RABGAP1L: variants seen among roughly 807,000 people sequenced by gnomAD.
The protein encoded by RABGAP1L is rab GTPase-activating protein 1-like.
A neutral mutation model predicts 137.7 loss-of-function variants in RABGAP1L; 63 were observed. The observed-to-expected ratio is 0.46, with a 90% CI of 0.37 to 0.56. The LOEUF (loss-of-function observed/expected upper bound fraction) is 0.56. Among genes scored for constraint, RABGAP1L ranks in the 20% least tolerant of loss-of-function variants. RABGAP1L has a pLI of 0.00. For missense variants in RABGAP1L, 1,095 were observed against 1,244.0 expected (o/e 0.88, Z 1.80); for synonymous variants, 431 against 433.7 (o/e 0.99, Z 0.08).
intron 13 of RABGAP1L, among the ~76,000 whole-genome samples, chr1:174,403,208 AGTGTGTGTGTGTGTGTGT>A (rs201238291): frequency 4.7e-5 from 6 of 126,730 alleles, no homozygotes; most frequent in Admixed American, 1.6e-4. Flanking sequence ...TATATATGAG[AGTGTGTGTGTGTGTGTGT>A]GTGTGTGTGT....
At chr1:174,470,861 A>G (rs763048928) in intron 13 of RABGAP1L, among the ~76,000 whole-genome samples, 6 of 152,188 alleles carry the variant, frequency 3.9e-5, no homozygotes, top group Non-Finnish European at 8.8e-5. Flanking sequence ...TAAATCCATG[A>G]CTTGCCTGGC....
At chr1:174,285,647 T>G (rs925072023) in intron 10 of RABGAP1L, among the ~76,000 whole-genome samples, 5 of 152,108 alleles carry the variant, frequency 3.3e-5, no homozygotes, top group Non-Finnish European at 7.4e-5. Context: ...GCTAGGACTT[T>G]CAGTACTATG....
intron 24 of RABGAP1L, among the ~76,000 whole-genome samples, chr1:174,984,937 G>A (rs187666545): frequency 1.2e-4 from 19 of 152,256 alleles, no homozygotes; most frequent in Admixed American, 8.5e-4. Context: ...GAGTGAAGAC[G>A]CAAACACAGG....
chr1:174,782,134 T>C (rs1411326142), intron 18 of RABGAP1L, among the ~76,000 whole-genome samples: 4 of 152,252 alleles, frequency 2.6e-5, no homozygotes, highest in African/African-American at 4.8e-5. Flanking sequence ...GGGATGGCAC[T>C]GAATCTATAA....
intron 7 of RABGAP1L, among the ~76,000 whole-genome samples, chr1:174,258,311 G>T (rs551092282): frequency 6.6e-6 from 1 of 152,276 alleles, no homozygotes; most frequent in South Asian, 2.1e-4. Flanking sequence ...GTTAGACTGG[G>T]TCTCACTCTG....
At chr1:174,793,122 A>C (rs1005405226) in intron 18 of RABGAP1L, among the ~76,000 whole-genome samples, 1 of 152,102 alleles carries the variant, frequency 6.6e-6, no homozygotes, top group African/African-American at 2.4e-5. Context: ...ACAAGAGCGA[A>C]ACTCCATCTC....
At position 174,359,425 on chromosome 1, in the gene RABGAP1L, C is replaced by T. The variant is rs1009636031; in HGVS notation, c.1466-11554C>T. ...GAGAGGAAGATAGATCTGGGTCATA[C>T]GCTTGATGTCACTGGGATATTCATT... On this transcript the variant is annotated intron_variant, in intron 11 of 25. Transcript: ENST00000681986. Among the ~76,000 whole-genome samples, 14 of 152,264 alleles carry T rather than the reference C, an allele frequency of 9.2e-5. 1 individual carries two copies. Among genetic ancestry groups the T allele is most frequent in the Admixed American group, 3.9e-4 (6 of 15,292 alleles).
chr1:174,491,075 G>C (rs767466572), intron 13 of RABGAP1L, among the ~76,000 whole-genome samples: 1 of 151,878 alleles, frequency 6.6e-6, no homozygotes, highest in African/African-American at 2.4e-5. Flanking sequence ...CTGTGGCCTA[G>C]CTGGTACCTA....
rs35509787 is a variant in RABGAP1L, at chr1:174,434,108, T to TACACACACACACACACACACACACAC, written c.1710+39982_1710+40007dup. On this transcript the variant is annotated intron_variant, in intron 13 of 25. Transcript: ENST00000681986. Reference sequence around the variant, plus strand: ...GCACATGAGCGCATGCGTGTACACATACACACACACACACACACACACACA... The same window carrying TACACACACACACACACACACACACAC: ...GCACATGAGCGCATGCGTGTACACATACACACACACACACACACACACACACACACACACACACACACACACACACA... Among the ~76,000 whole-genome samples the TACACACACACACACACACACACACAC allele has an allele frequency of 2.8e-4, 37 of 134,124 alleles. 1 individual carries two copies. The highest frequency in any genetic ancestry group is 7.8e-4 in the African/African-American group (29 of 37,398). The allele number at this position is 134,124 out of a possible 152,430, so 88.0% of individuals were successfully genotyped here.
At chr1:174,920,568 G>A (rs545531911) in intron 19 of RABGAP1L, among the ~76,000 whole-genome samples, 29 of 152,266 alleles carry the variant, frequency 1.9e-4, no homozygotes, top group Non-Finnish European at 3.4e-4. Flanking sequence ...TGTCTTTACC[G>A]CATCCCTAAT....
At chr1:174,488,052 A>C (rs1451970150) in intron 13 of RABGAP1L, among the ~76,000 whole-genome samples, 1 of 152,078 alleles carries the variant, frequency 6.6e-6, no homozygotes, top group Non-Finnish European at 1.5e-5. Flanking sequence ...AATATAAGAG[A>C]AGTTTATATA....
At chr1:174,398,368 T>C (rs1302035650) in intron 13 of RABGAP1L, among the ~76,000 whole-genome samples, 1 of 152,184 alleles carries the variant, frequency 6.6e-6, no homozygotes, top group Non-Finnish European at 1.5e-5. Flanking sequence ...CCCAGTGCTG[T>C]AATCACATGG....
At chr1:174,922,242 A>C (rs1661940731) in intron 19 of RABGAP1L, 1 of 153,764 alleles carries the variant, frequency 6.5e-6, no homozygotes, top group Admixed American at 6.5e-5. Flanking sequence ...TTTTACATAC[A>C]TCTTGGGAAG....
At chr1:174,535,857 G>A (rs771305070) in intron 13 of RABGAP1L, among the ~76,000 whole-genome samples, 1 of 152,012 alleles carries the variant, frequency 6.6e-6, no homozygotes, top group African/African-American at 2.4e-5. Context: ...GAAAAATTGA[G>A]CATATTTAAA....
At chr1:174,677,092 C>T (rs544733388) in intron 14 of RABGAP1L, among the ~76,000 whole-genome samples, 5 of 146,284 alleles carry the variant, frequency 3.4e-5, no homozygotes, top group African/African-American at 1.3e-4. Flanking sequence ...ATGGCTGAGG[C>T]AGAAGGAACA....
At chr1:174,614,509 C>T (rs1005204553) in intron 13 of RABGAP1L, among the ~76,000 whole-genome samples, 1 of 152,182 alleles carries the variant, frequency 6.6e-6, no homozygotes, top group Non-Finnish European at 1.5e-5. Context: ...CTGCCCTTAA[C>T]ATTTTTTCCT....
chr1:174,716,232 A>G (rs1301056847), intron 17 of RABGAP1L, among the ~76,000 whole-genome samples: 1 of 152,212 alleles, frequency 6.6e-6, no homozygotes, highest in East Asian at 1.9e-4. Context: ...GGGCAACTGA[A>G]CTTAATTATC....
chr1:174,310,858 ATTCTCTCATACTCATT>A (rs1317906634), intron 11 of RABGAP1L, among the ~76,000 whole-genome samples: 4 of 151,300 alleles, frequency 2.6e-5, no homozygotes, highest in Non-Finnish European at 5.9e-5. Context: ...TCATACTCAT[ATTCTCTCATACTCATT>A]CTCTCATATA....
At chr1:174,783,378 A>G (rs1189531922) in intron 18 of RABGAP1L, among the ~76,000 whole-genome samples, 1 of 152,114 alleles carries the variant, frequency 6.6e-6, no homozygotes, top group Non-Finnish European at 1.5e-5. Context: ...GGAGAACAAA[A>G]GGCTTCCTAC....
Sources: gnomAD v4.1 joint callset for allele counts (sites outside exome capture counted in the v4.1 genomes callset) on GRCh38, gnomAD v4.1.1 for gene constraint, MANE v1.5 for transcripts, NCBI Gene and HGNC (gene_info 2026-07-23, HGNC 2026-07-21) for gene names.